SOX5: variants seen among roughly 807,000 people sequenced by gnomAD.
The protein encoded by SOX5 is transcription factor SOX-5.
A neutral mutation model predicts 92.0 loss-of-function variants in SOX5; 9 were observed. The ratio of observed to expected loss-of-function variants is 0.10; its 90% CI spans 0.06 to 0.17. The LOEUF (loss-of-function observed/expected upper bound fraction) is 0.17, where lower values mean the gene tolerates loss of function less well. Among genes scored for constraint, SOX5 ranks in the 10% least tolerant of loss-of-function variants. The pLI is 1.00. For synonymous variants in SOX5, 344 were observed against 336.3 expected (o/e 1.02, Z -0.25); for missense variants, 642 against 944.5 (o/e 0.68, Z 4.20).
chr12:24,252,555 T>C (rs1024608074), intron 3 of SOX5, among the ~76,000 whole-genome samples: 18 of 152,056 alleles, frequency 1.2e-4, no homozygotes, highest in African/African-American at 4.1e-4. Context: ...TCTATTTGCA[T>C]TTAATTTGAT....
chr12:24,096,090 G>GT lies in SOX5; in HGVS notation c.-2+117252dup, dbSNP rs200861340. On this transcript the variant is annotated intron_variant, in intron 4 of 4. Coordinates refer to the SOX5 transcript ENST00000446891. The stretch of plus-strand genomic sequence containing the variant: ...TTTTTACTATTAACTTTTACTTTTT[G>GT]TTTTTTCATTCATCATGGAAAAAAT... 4.9e-3 allele frequency among the ~76,000 whole-genome samples: 751 copies of GT among 152,052 alleles called. 15 individuals are homozygous for GT. Among genetic ancestry groups the GT allele is most frequent in the African/African-American group, 0.018 (728 of 41,480 alleles).
chr12:23,804,945 A>G (rs1379305431), intron 3 of SOX5, among the ~76,000 whole-genome samples: 2 of 30,004 alleles, frequency 6.7e-5, no homozygotes, highest in Non-Finnish European at 1.2e-4. Flanking sequence ...ATATATATAT[A>G]TATATATATA....
chr12:24,208,527 C>T (rs561456716), intron 4 of SOX5, among the ~76,000 whole-genome samples: 5 of 152,364 alleles, frequency 3.3e-5, no homozygotes, highest in African/African-American at 1.2e-4. Context: ...TCCAACATCT[C>T]TGCTGGGCAA....
chr12:24,197,155 T>C (rs1957082743), intron 4 of SOX5, among the ~76,000 whole-genome samples: 1 of 152,200 alleles, frequency 6.6e-6, no homozygotes, highest in Non-Finnish European at 1.5e-5. Flanking sequence ...GAAGCTTCAA[T>C]TGGTTGACAT....
intron 1 of SOX5, among the ~76,000 whole-genome samples, chr12:24,543,734 C>T (rs527330556): frequency 4.5e-4 from 68 of 152,174 alleles, no homozygotes; most frequent in African/African-American, 1.5e-3. Context: ...AGTTATAAAG[C>T]AATTAACAAC....
chr12:23,598,775 A>T (rs1485633664), intron 9 of SOX5, among the ~76,000 whole-genome samples: 1 of 152,118 alleles, frequency 6.6e-6, no homozygotes, highest in Non-Finnish European at 1.5e-5. Context: ...TGTTAGTGGT[A>T]GGTAGACTTG....
chr12:24,288,743 T>C (rs200075352), intron 2 of SOX5, among the ~76,000 whole-genome samples: 1 of 54,522 alleles, frequency 1.8e-5, no homozygotes, highest in Non-Finnish European at 6.7e-5. Context: ...CAACAATGCA[T>C]GTCCAACCTT....
intron 4 of SOX5, among the ~76,000 whole-genome samples, chr12:24,164,383 T>C (rs1392483003): frequency 6.6e-6 from 1 of 152,102 alleles, no homozygotes; most frequent in Non-Finnish European, 1.5e-5. Context: ...CATACATATA[T>C]ATTTTATCTA....
chr12:24,054,039 A>T (rs1001439671), intron 4 of SOX5, among the ~76,000 whole-genome samples: 1 of 152,204 alleles, frequency 6.6e-6, no homozygotes, highest in Non-Finnish European at 1.5e-5. Flanking sequence ...AATCACTGTC[A>T]TTGTGCGTCA....
chr12:24,226,375 T>C (rs777343474), intron 3 of SOX5, among the ~76,000 whole-genome samples: 5 of 152,204 alleles, frequency 3.3e-5, no homozygotes, highest in African/African-American at 1.2e-4. Context: ...GCATTCCATA[T>C]ATACTTTTGA....
chr12:24,094,454 C>CTTTTTT (rs5797062), intron 4 of SOX5, among the ~76,000 whole-genome samples: 6 of 127,734 alleles, frequency 4.7e-5, no homozygotes, highest in African/African-American at 8.8e-5. Context: ...CTATTAGTGG[C>CTTTTTT]TTTTTTTTTT....
intron 6 of SOX5, among the ~76,000 whole-genome samples, chr12:23,714,342 G>T (rs1274874106): frequency 1.3e-5 from 2 of 151,724 alleles, no homozygotes; most frequent in Non-Finnish European, 2.9e-5. Context: ...ACACTTGTAG[G>T]CTGGGCGCAG....
In SOX5 at chr12:24,233,866, G is replaced by A. The variant is rs911827324; in HGVS notation, c.-76-20449C>T. ...AGAATCATGTGTCTTCAACATGCTC[G>A]AGGATGAACAGATCAAAGATCAGAA... On this transcript the variant is annotated intron_variant, in intron 3 of 4. Transcript: ENST00000446891. 2.6e-5 allele frequency among the ~76,000 whole-genome samples: 4 copies of A among 152,340 alleles called. No individual in the cohort carries two copies. In the East Asian group the frequency reaches 5.8e-4, roughly 22 times the overall value.
intron 1 of SOX5, among the ~76,000 whole-genome samples, chr12:24,428,830 C>G (rs1450617852): frequency 7.0e-6 from 1 of 143,708 alleles, no homozygotes; most frequent in Middle Eastern, 3.6e-3. Context: ...TTTGCAACTT[C>G]AAGACAGCAT....
intron 5 of SOX5, among the ~76,000 whole-genome samples, chr12:23,739,529 G>A (rs1370410588): frequency 3.3e-5 from 5 of 152,130 alleles, no homozygotes; most frequent in South Asian, 4.2e-4. Context: ...TAAAATCTCC[G>A]TTTTGTTTCC....
intron 2 of SOX5, among the ~76,000 whole-genome samples, chr12:24,298,783 C>CAAAAAAAAAAAAAAAAAAAA (rs10657648): frequency 1.0e-5 from 1 of 96,732 alleles, no homozygotes; most frequent in Non-Finnish European, 2.2e-5. Flanking sequence ...CCAGAGTAGT[C>CAAAAAAAAAAAAAAAAAAAA]AAAAAAAAAA....
chr12:24,507,571 T>A (rs189361289), intron 1 of SOX5, among the ~76,000 whole-genome samples: 119 of 152,318 alleles, frequency 7.8e-4, no homozygotes, highest in Middle Eastern at 3.4e-3. Flanking sequence ...AACATTATTT[T>A]AAAAATCTAA....
chr12:24,265,112 C>A (rs1942815559), intron 3 of SOX5, among the ~76,000 whole-genome samples: 1 of 152,074 alleles, frequency 6.6e-6, no homozygotes, highest in Non-Finnish European at 1.5e-5. Flanking sequence ...TATTATTCTG[C>A]CATGTAGACT....
intron 2 of SOX5, among the ~76,000 whole-genome samples, chr12:23,873,590 G>GTA (rs2096897450): frequency 1.3e-5 from 2 of 152,188 alleles, no homozygotes; most frequent in South Asian, 4.1e-4. Flanking sequence ...TCAGTGCCAA[G>GTA]TATATCATTC....
Sources: gnomAD v4.1 joint callset for allele counts (sites outside exome capture counted in the v4.1 genomes callset) on GRCh38, gnomAD v4.1.1 for gene constraint, MANE v1.5 for transcripts, NCBI Gene and HGNC (gene_info 2026-07-23, HGNC 2026-07-21) for gene names.